Variants in PTPRD observed in about 807,000 individuals in gnomAD.
The protein encoded by PTPRD is receptor-type tyrosine-protein phosphatase delta.
Under a neutral mutation model 214.5 loss-of-function variants are expected in PTPRD, and 34 were observed. The ratio of observed to expected loss-of-function variants is 0.16; its 90% confidence interval spans 0.12 to 0.21. The LOEUF (loss-of-function observed/expected upper bound fraction) is 0.21. PTPRD is among the 10% of genes least tolerant of loss of function. The pLI is 1.00. For synonymous variants in PTPRD, 1,128 were observed against 845.7 expected (o/e 1.33, Z -5.79); for missense variants, 2,545 against 2,398.7 (o/e 1.06, Z -1.27).
intron 10 of PTPRD, among the ~76,000 whole-genome samples, chr9:9,137,243 T>C (rs1210843335): frequency 6.6e-6 from 1 of 152,218 alleles, no homozygotes; most frequent in African/African-American, 2.4e-5. Context: ...ATTGTTTCAA[T>C]AATTTATATT....
intron 8 of PTPRD, among the ~76,000 whole-genome samples, chr9:9,435,218 C>G (rs891056397): frequency 3.3e-5 from 5 of 152,044 alleles, no homozygotes; most frequent in South Asian, 2.1e-4. Flanking sequence ...AACTTTAAAA[C>G]GCCAGGACCC....
chr9:8,682,005 G>A (rs1007356223), intron 12 of PTPRD, among the ~76,000 whole-genome samples: 33 of 151,932 alleles, frequency 2.2e-4, no homozygotes, highest in Admixed American at 2.0e-3. Context: ...AAACATGCAA[G>A]GATTTTTTTT....
Position 9,048,864 on chromosome 9 carries a change from C to A in PTPRD, c.-142-30129G>T, listed in dbSNP as rs570652304. Among the ~76,000 whole-genome samples the A allele has an allele frequency of 2.6e-5, 4 of 152,190 alleles. No individual in the cohort carries two copies. In the South Asian group the frequency reaches 8.3e-4, roughly 32 times the overall value. On this transcript the variant is annotated intron_variant, in intron 10 of 45. Transcript: ENST00000381196. ...TAAATGCTTGAGGGTATAGATACCC[C>A]ATTTTCCATGATGTGATTATTACAC...
At chr9:9,377,095 T>C (rs541395255) in intron 9 of PTPRD, among the ~76,000 whole-genome samples, 1 of 152,214 alleles carries the variant, frequency 6.6e-6, no homozygotes, top group African/African-American at 2.4e-5. Context: ...ATATTTTTTT[T>C]TAATTTCAAA....
intron 8 of PTPRD, among the ~76,000 whole-genome samples, chr9:9,529,061 T>A (rs1590828793): frequency 2.0e-5 from 3 of 150,976 alleles, no homozygotes; most frequent in African/African-American, 7.3e-5. Context: ...GCCTCCAGAG[T>A]ATCTGGGATT....
At chr9:9,703,024 C>A (rs947757183) in intron 7 of PTPRD, among the ~76,000 whole-genome samples, 3 of 152,164 alleles carry the variant, frequency 2.0e-5, no homozygotes, top group Non-Finnish European at 1.5e-5. Flanking sequence ...CCACCCAAAT[C>A]TCATCTCGAA....
chr9:8,729,817 T>C (rs185370332), intron 12 of PTPRD, among the ~76,000 whole-genome samples: 1 of 152,278 alleles, frequency 6.6e-6, no homozygotes, highest in Non-Finnish European at 1.5e-5. Flanking sequence ...CATCAGGAAA[T>C]ACTTAAGATA....
At chr9:8,556,718 A>G (rs1397505777) in intron 14 of PTPRD, among the ~76,000 whole-genome samples, 1 of 152,140 alleles carries the variant, frequency 6.6e-6, no homozygotes, top group Non-Finnish European at 1.5e-5. Context: ...ATTCTGTCTT[A>G]GAATGTACAA....
intron 11 of PTPRD, among the ~76,000 whole-genome samples, chr9:8,947,193 G>C (rs557980647): frequency 2.8e-4 from 43 of 151,454 alleles, no homozygotes; most frequent in Non-Finnish European, 8.8e-5. Flanking sequence ...GTTGGGCGTG[G>C]TGGCTCACGC....
intron 7 of PTPRD, among the ~76,000 whole-genome samples, chr9:9,649,900 T>G (rs146536490): frequency 1.1e-4 from 17 of 152,296 alleles, no homozygotes; most frequent in Non-Finnish European, 2.1e-4. Flanking sequence ...ATAAATATAT[T>G]TGGAGCAATC....
At chr9:10,594,224 T>A (rs1320264995) in intron 2 of PTPRD, among the ~76,000 whole-genome samples, 1 of 151,886 alleles carries the variant, frequency 6.6e-6, no homozygotes, top group African/African-American at 2.4e-5. Flanking sequence ...GAGAAAACAT[T>A]TGTTTTCTAT....
intron 12 of PTPRD, among the ~76,000 whole-genome samples, chr9:8,716,214 A>G (rs1256930721): frequency 6.6e-6 from 1 of 152,234 alleles, no homozygotes; most frequent in Non-Finnish European, 1.5e-5. Context: ...CCCTTGGGCT[A>G]GGAGACACCT....
intron 3 of PTPRD, among the ~76,000 whole-genome samples, chr9:10,036,242 T>G (rs2097178551): frequency 6.6e-6 from 1 of 152,180 alleles, no homozygotes; most frequent in Non-Finnish European, 1.5e-5. Context: ...AGGCCTATTT[T>G]AATCCCTTTC....
At chr9:9,205,036 A>G (rs2099944016) in intron 9 of PTPRD, among the ~76,000 whole-genome samples, 1 of 152,150 alleles carries the variant, frequency 6.6e-6, no homozygotes, top group Admixed American at 6.5e-5. Context: ...AGGGGTGGCA[A>G]TTTAATCTAA....
chr9:9,872,524 C>T (rs891237531), intron 5 of PTPRD, among the ~76,000 whole-genome samples: 5 of 152,004 alleles, frequency 3.3e-5, no homozygotes, highest in South Asian at 4.1e-4. Context: ...TTGCTTGAGC[C>T]GAGGATATCG....
chr9:10,003,933 A>G (rs1005002527), intron 4 of PTPRD, among the ~76,000 whole-genome samples: 2 of 151,894 alleles, frequency 1.3e-5, no homozygotes, highest in Non-Finnish European at 2.9e-5. Flanking sequence ...ATTAATTTTG[A>G]AATAAATATT....
intron 14 of PTPRD, among the ~76,000 whole-genome samples, chr9:8,535,333 C>A (rs1010487821): frequency 3.9e-5 from 6 of 151,910 alleles, no homozygotes; most frequent in Non-Finnish European, 8.8e-5. Flanking sequence ...GTTATCTAGA[C>A]ACGCAACTAA....
At chr9:9,139,809 C>T (rs1292611192) in intron 10 of PTPRD, among the ~76,000 whole-genome samples, 5 of 152,094 alleles carry the variant, frequency 3.3e-5, no homozygotes, top group African/African-American at 4.8e-5. Context: ...ACCACTGTAC[C>T]GGCAACAGTG....
intron 12 of PTPRD, among the ~76,000 whole-genome samples, chr9:8,701,884 G>A (rs569885627): frequency 3.3e-5 from 5 of 152,166 alleles, no homozygotes; most frequent in Non-Finnish European, 7.4e-5. Context: ...ATACTTTATT[G>A]TAATCTTTAT....
Sources: allele counts gnomAD v4.1 joint callset (sites outside exome capture counted in the v4.1 genomes callset), GRCh38; gene constraint gnomAD v4.1.1; transcripts MANE v1.5; gene names NCBI Gene and HGNC (gene_info 2026-07-23, HGNC 2026-07-21).